LPCAT3: variants seen among roughly 807,000 people sequenced by gnomAD.
The protein encoded by LPCAT3 is lysophospholipid acyltransferase 5.
In LPCAT3, 21 loss-of-function variants were observed where a neutral mutation model predicts 63.4. The ratio of observed to expected loss-of-function variants is 0.33; its 90% CI spans 0.23 to 0.48. The LOEUF is 0.48. LPCAT3 is among the 20% of genes least tolerant of loss of function. The pLI is 0.99. For synonymous variants in LPCAT3, 242 were observed against 227.5 expected (o/e 1.06, Z -0.58); for missense variants, 451 against 590.6 (o/e 0.76, Z 2.45).
At chr12:7,004,728 ATC>A (rs782279634) in intron 1 of LPCAT3, among the ~76,000 whole-genome samples, 2 of 152,046 alleles carry the variant, frequency 1.3e-5, no homozygotes, top group Non-Finnish European at 2.9e-5. Context: ...GGCTGATAGT[ATC>A]TCTTTCTCAT....
In LPCAT3 at chr12:6,987,483, A is replaced by C. The variant is rs1946540879; in HGVS notation, c.152-3944T>G. On this transcript the variant is annotated intron_variant, in intron 1 of 12. Transcript: ENST00000261407. This position sits in a 1 kb window ranked among gnomAD's most constrained non-coding sequence, Gnocchi z 4.1. ...ATGGGCAGAAATTTGGCAGAGACAG[A>C]ACACCAGGTTAGCAGCAAATATTGC... is the stretch of plus-strand genomic sequence containing the variant. 6.6e-6 allele frequency among the ~76,000 whole-genome samples: 1 copy of C among 152,258 alleles called. No individual in the cohort carries two copies. The highest frequency in any genetic ancestry group is 1.5e-5 in the Non-Finnish European group (1 of 68,050).
In LPCAT3 at chr12:6,999,351, G is replaced by C. The variant is rs183382009; in HGVS notation, c.152-15812C>G. ...AAAAATGTCTGAGGGAGGAACAATA[G>C]AGGGGACATTTTAAAGGTAAGCTAT... is the stretch of plus-strand genomic sequence containing the variant. On this transcript the variant is annotated intron_variant, in intron 1 of 12. Coordinates refer to ENST00000261407, the MANE Select transcript of LPCAT3 (RefSeq NM_005768.6). Among the ~76,000 whole-genome samples the C allele has an allele frequency of 3.9e-5, 6 of 152,292 alleles. No homozygotes were observed. The South Asian group carries it at 1.0e-3, about 26-fold the overall frequency.
At chr12:6,988,864 C>T (rs782184492) in intron 1 of LPCAT3, among the ~76,000 whole-genome samples, 39 of 152,154 alleles carry the variant, frequency 2.6e-4, no homozygotes, top group Non-Finnish European at 4.4e-4. Context: ...CCGTGGCTCA[C>T]GCCTGTAATC....
chr12:7,009,425 T>C (rs1946747669), intron 1 of LPCAT3, among the ~76,000 whole-genome samples: 1 of 152,286 alleles, frequency 6.6e-6, no homozygotes, highest in Middle Eastern at 3.4e-3. Context: ...GGAAGAAATA[T>C]GCTAAATTAG....
intron 1 of LPCAT3, among the ~76,000 whole-genome samples, chr12:7,003,379 A>C (rs1946703327): frequency 6.7e-6 from 1 of 149,360 alleles, no homozygotes; most frequent in South Asian, 2.1e-4. Flanking sequence ...TTTTTTTAAC[A>C]TATGTTTGAT....
At chr12:7,003,632 C>A (rs782338025) in intron 1 of LPCAT3, among the ~76,000 whole-genome samples, 59 of 152,208 alleles carry the variant, frequency 3.9e-4, no homozygotes, top group African/African-American at 1.4e-3. Context: ...TAAGAATTAC[C>A]TAGGATGCGG....
intron 5 of LPCAT3, 48 bp downstream of exon 5, chr12:6,981,547 T>C (rs1555154064): frequency 3.8e-6 from 6 of 1,595,090 alleles, no homozygotes; most frequent in Non-Finnish European, 5.2e-6. Context: ...ACTTTTTTCT[T>C]CCCTTTCATT....
intron 1 of LPCAT3, among the ~76,000 whole-genome samples, chr12:7,010,625 TATG>T (rs1236824050): frequency 1.3e-5 from 2 of 152,208 alleles, no homozygotes; most frequent in African/African-American, 2.4e-5. Flanking sequence ...GGACGCCTCA[TATG>T]AGCTCCCATG....
In LPCAT3 at chr12:6,987,601, G is replaced by T. The variant is rs1164501178; in HGVS notation, c.152-4062C>A. Reference sequence around the variant, plus strand: ...TTTTTACTTTTGTTTTAGTAACGGGGTATAAATAAAAAAATATAAAACAGT... The same window carrying T: ...TTTTTACTTTTGTTTTAGTAACGGGTTATAAATAAAAAAATATAAAACAGT... On this transcript the variant is annotated intron_variant, in intron 1 of 12. Coordinates refer to ENST00000261407, the MANE Select transcript of LPCAT3 (RefSeq NM_005768.6). This position sits in a 1 kb window ranked among gnomAD's most constrained non-coding sequence, Gnocchi z 4.1. 1.3e-5 allele frequency among the ~76,000 whole-genome samples: 2 copies of T among 151,984 alleles called. No individual in the cohort carries two copies. The highest frequency in any genetic ancestry group is 2.9e-5 in the Non-Finnish European group (2 of 67,996).
chr12:6,981,266 C>A, intron 5 of LPCAT3, 84 bp from the exon 6 acceptor site: 1 of 1,134,584 alleles, frequency 8.8e-7, no homozygotes, highest in Non-Finnish European at 1.3e-6. Flanking sequence ...ACCTGTGTGC[C>A]CCACTGACTG....
intron 3 of LPCAT3, 86 bp downstream of exon 3, chr12:6,982,590 A>T (rs891841031): frequency 1.0e-5 from 10 of 1,004,972 alleles, no homozygotes; most frequent in Non-Finnish European, 1.4e-5. Context: ...TAGGTCTGCT[A>T]ATTTCTATAC....
intron 1 of LPCAT3, among the ~76,000 whole-genome samples, chr12:7,009,433 T>G (rs1946747684): frequency 6.6e-6 from 1 of 152,192 alleles, no homozygotes; most frequent in South Asian, 2.1e-4. Flanking sequence ...TATGCTAAAT[T>G]AGTAATCCTC....
chr12:6,996,620 G>C (rs1555156046), intron 1 of LPCAT3, among the ~76,000 whole-genome samples: 1 of 152,222 alleles, frequency 6.6e-6, no homozygotes, highest in African/African-American at 2.4e-5. Context: ...ACTCTAGGCA[G>C]TCAATACAAT....
chr12:6,979,516 G>A lies in LPCAT3; in HGVS notation c.741C>T (p.Leu247=). Residue 247 remains leucine (L), a synonymous_variant, in exon 7 of 13, where the codon CTC becomes CTT. Transcript: ENST00000261407. ...GLFYLVGYTL[L]SPHITEDYLL... Reference sequence around the variant, plus strand: ...GATAGTCTTCTGTGATGTGGGGGCTGAGCAGTGTGTAGCCCACTAGGTAGA... The same window carrying A: ...GATAGTCTTCTGTGATGTGGGGGCTAAGCAGTGTGTAGCCCACTAGGTAGA... 1 of 1,614,116 alleles carries A rather than the reference G, an allele frequency of 6.2e-7. No homozygotes were observed. Among genetic ancestry groups the A allele is most frequent in the Non-Finnish European group, 8.5e-7 (1 of 1,179,970 alleles).
intron 7 of LPCAT3, chr12:6,979,139 C>G (rs1946031548): frequency 2.9e-6 from 1 of 343,396 alleles, no homozygotes; most frequent in South Asian, 4.7e-5. Context: ...CCAAATGTAT[C>G]AGTCAAGAGA....
intron 9 of LPCAT3, 115 bp downstream of exon 9, chr12:6,978,226 G>A: frequency 8.1e-7 from 1 of 1,238,748 alleles, no homozygotes; most frequent in Non-Finnish European, 1.1e-6. Context: ...AGCGACAGGG[G>A]GTTCTGCCCA....
chr12:6,997,460 C>G (rs1475516945), intron 1 of LPCAT3: 1 of 154,544 alleles, frequency 6.5e-6, no homozygotes, highest in African/African-American at 2.4e-5. Context: ...GTTGCCCAGG[C>G]TGGAGTGCAG....
rs782291816 is a variant in LPCAT3 at position 6,983,551 on chromosome 12, A to G, written c.152-12T>C. The G allele has an allele frequency of 7.2e-6, 11 of 1,525,350 alleles. No individual in the cohort carries two copies. In the South Asian group the frequency reaches 1.0e-4, roughly 14 times the overall value. 94.5% of individuals were successfully genotyped at this position (1,525,350 alleles called of 1,614,324 possible). A position where few individuals can be genotyped will look rare whatever the true frequency, so the allele number is the denominator to read the frequency against. On this transcript the variant is annotated splice_polypyrimidine_tract_variant and intron_variant, in intron 1 of 12. Coordinates refer to ENST00000261407, the MANE Select transcript of LPCAT3 (RefSeq NM_005768.6). ...AGCAAAGGGGTAACCTAGATGGGGG[A>G]AAAGATAAGAAGAGTGTTATTTGTG...
chr12:6,993,965 TTTCCAC>T (rs1488890456), intron 1 of LPCAT3, among the ~76,000 whole-genome samples: 1 of 152,136 alleles, frequency 6.6e-6, no homozygotes, highest in East Asian at 1.9e-4. Flanking sequence ...AACTGGGTTG[TTTCCAC>T]TTTAGGAACA....
Sources: allele counts gnomAD v4.1 joint callset (sites outside exome capture counted in the v4.1 genomes callset), GRCh38; gene constraint gnomAD v4.1.1; non-coding constraint Gnocchi (gnomAD v3.1); transcripts MANE v1.5; gene names NCBI Gene and HGNC (gene_info 2026-07-23, HGNC 2026-07-21).